Variants in PEBP4 observed in about 807,000 individuals in gnomAD.
PEBP4 encodes phosphatidylethanolamine binding protein 4.
A neutral mutation model predicts 23.9 loss-of-function variants in PEBP4; 22 were observed. The observed-to-expected ratio is 0.92, with a 90% CI of 0.66 to 1.31. The LOEUF (loss-of-function observed/expected upper bound fraction) is 1.31. Ranked by LOEUF, PEBP4 falls within the 40% of genes most tolerant of loss-of-function variation. The pLI is 0.00. For missense variants in PEBP4, 324 were observed against 281.7 expected (o/e 1.15, Z -1.07); for synonymous variants, 112 against 99.3 (o/e 1.13, Z -0.76).
intron 6 of PEBP4, among the ~76,000 whole-genome samples, chr8:22,724,252 G>T (rs2128748542): frequency 6.6e-6 from 1 of 152,306 alleles, no homozygotes; most frequent in South Asian, 2.1e-4. Context: ...GGCCCTGGTG[G>T]CAGGAGGACC....
intron 2 of PEBP4, 140 bp from the exon 3 acceptor site, chr8:22,920,450 CG>C: frequency 9.9e-7 from 1 of 1,006,914 alleles, no homozygotes; most frequent in Admixed American, 2.7e-5. Context: ...GTTGTGTGAC[CG>C]AAGAGTTACT....
intron 3 of PEBP4, among the ~76,000 whole-genome samples, chr8:22,892,731 C>A (rs9657263): frequency 0.016 from 2,390 of 152,238 alleles, 52 homozygotes; most frequent in African/African-American, 0.053. Flanking sequence ...CCACCTGAAA[C>A]AATGAAAACA....
In PEBP4 at chr8:22,868,335, G is replaced by A. The variant is rs184455298; in HGVS notation, c.259-50600C>T. On this transcript the variant is annotated intron_variant, in intron 3 of 6. Coordinates refer to ENST00000256404, the MANE Select transcript of PEBP4 (RefSeq NM_144962.3). ...GATTTTTGGTAGCCTGGATTTGTTC[G>A]CCTGCTTTCAAGCCTCCAGGGAGTC... 4.6e-5 allele frequency among the ~76,000 whole-genome samples: 7 copies of A among 152,206 alleles called. No homozygotes were observed. The South Asian group carries it at 6.2e-4, about 14-fold the overall frequency.
rs371827406 is a variant in PEBP4 at position 22,722,858 on chromosome 8, C to T, written c.517+1985G>A. On this transcript the variant is annotated intron_variant, in intron 6 of 6. Transcript: ENST00000256404. ...CGCGATCTCAGCTCACTACAAGCTC[C>T]GCCTCCCAGGTTCATGCTGTTCTCC... is the stretch of plus-strand genomic sequence containing the variant. Among the ~76,000 whole-genome samples the T allele has an allele frequency of 1.3e-4, 19 of 151,810 alleles. No individual in the cohort carries two copies. In the South Asian group the frequency reaches 2.3e-3, roughly 18 times the overall value.
chr8:22,724,566 C>A (rs531195475), intron 6 of PEBP4, among the ~76,000 whole-genome samples: 1 of 152,368 alleles, frequency 6.6e-6, no homozygotes, highest in South Asian at 2.1e-4. Context: ...TCCCTGGCTG[C>A]AGTCACCTGC....
At chr8:22,722,041 G>A (rs1000559898) in intron 6 of PEBP4, among the ~76,000 whole-genome samples, 7 of 152,072 alleles carry the variant, frequency 4.6e-5, no homozygotes, top group South Asian at 2.1e-4. Flanking sequence ...CTCCAGGTTC[G>A]TCGTCTCCAA....
rs550367214 is a variant in PEBP4, at chr8:22,816,430, C to G, written c.357+1207G>C. On this transcript the variant is annotated intron_variant, in intron 4 of 6. Transcript: ENST00000256404. The stretch of plus-strand genomic sequence containing the variant: ...CCCCCCTACTCCCACCCAGTGGCTG[C>G]GAAAACCCTGCCTTGCTCAGGATAG... Among the ~76,000 whole-genome samples, 7 of 152,334 alleles carry G rather than the reference C, an allele frequency of 4.6e-5. No homozygotes were observed. The East Asian group carries it at 5.8e-4, about 13-fold the overall frequency.
At chr8:22,758,710 GC>G (rs1805441288) in intron 4 of PEBP4, among the ~76,000 whole-genome samples, 1 of 152,198 alleles carries the variant, frequency 6.6e-6, no homozygotes, top group Non-Finnish European at 1.5e-5. Context: ...CCCATAGCAG[GC>G]TCTCAGCAGA....
intron 3 of PEBP4, among the ~76,000 whole-genome samples, chr8:22,831,142 C>A (rs1807077123): frequency 6.6e-6 from 1 of 152,218 alleles, no homozygotes; most frequent in Admixed American, 6.5e-5. Flanking sequence ...ATCCCTGGAA[C>A]TACTTAACTT....
intron 6 of PEBP4, among the ~76,000 whole-genome samples, chr8:22,713,890 A>G (rs1052563502): frequency 1.3e-5 from 2 of 152,226 alleles, no homozygotes; most frequent in African/African-American, 4.8e-5. Flanking sequence ...CGGGCTGCCC[A>G]CTTCCTCTAC....
intron 3 of PEBP4, 67 bp from the exon 4 acceptor site, chr8:22,817,802 C>T (rs1486100014): frequency 2.9e-6 from 4 of 1,402,712 alleles, no homozygotes; most frequent in Non-Finnish European, 4.0e-6. Flanking sequence ...ACGGGGCAGA[C>T]CTCCTTTTCC....
intron 3 of PEBP4, among the ~76,000 whole-genome samples, chr8:22,870,004 TC>T (rs1807976997): frequency 6.6e-6 from 1 of 152,158 alleles, no homozygotes. Flanking sequence ...TGGCAGTTTC[TC>T]ACAAAACTAA....
At chr8:22,838,255 G>A (rs903155943) in intron 3 of PEBP4, among the ~76,000 whole-genome samples, 2 of 152,072 alleles carry the variant, frequency 1.3e-5, no homozygotes. Flanking sequence ...CTCCTGAAGT[G>A]CCTAGCATAC....
At chr8:22,905,218 G>A (rs1808786146) in intron 3 of PEBP4, among the ~76,000 whole-genome samples, 1 of 151,680 alleles carries the variant, frequency 6.6e-6, no homozygotes, top group African/African-American at 2.4e-5. Context: ...AAATGGAATG[G>A]AACTTCCCCC....
intron 4 of PEBP4, among the ~76,000 whole-genome samples, chr8:22,736,462 C>T (rs1381227155): frequency 2.0e-5 from 3 of 151,896 alleles, no homozygotes; most frequent in East Asian, 3.9e-4. Context: ...AAAAATTAAC[C>T]AGACGAGGTG....
At chr8:22,832,603 C>T (rs943007595) in intron 3 of PEBP4, among the ~76,000 whole-genome samples, 1 of 152,192 alleles carries the variant, frequency 6.6e-6, no homozygotes, top group African/African-American at 2.4e-5. Flanking sequence ...TCCTGCCTTG[C>T]CACTGGGGAG....
chr8:22,863,559 C>G (rs546344434), intron 3 of PEBP4, among the ~76,000 whole-genome samples: 5 of 152,124 alleles, frequency 3.3e-5, no homozygotes, highest in Admixed American at 3.3e-4. Flanking sequence ...TAGGGTCCTG[C>G]CTCCCTGCAT....
rs550369303 is a variant in PEBP4 at position 22,858,917 on chromosome 8, A to G, written c.259-41182T>C. Reference sequence around the variant, plus strand: ...AGCCAAGATTGCACCACTGCACTCCAGCCTGGGTGACAGAATGAGACCCTG... The same window carrying G: ...AGCCAAGATTGCACCACTGCACTCCGGCCTGGGTGACAGAATGAGACCCTG... On this transcript the variant is annotated intron_variant, in intron 3 of 6. Coordinates refer to ENST00000256404, the MANE Select transcript of PEBP4 (RefSeq NM_144962.3). 1.2e-4 allele frequency among the ~76,000 whole-genome samples: 19 copies of G among 152,352 alleles called. No individual in the cohort carries two copies. The South Asian group carries it at 3.9e-3, about 32-fold the overall frequency.
At chr8:22,819,617 G>A (rs576661336) in intron 3 of PEBP4, among the ~76,000 whole-genome samples, 30 of 152,128 alleles carry the variant, frequency 2.0e-4, no homozygotes, top group African/African-American at 7.2e-4. Context: ...GTTTTGTTTT[G>A]TTTTGTTTTT....
Sources: gnomAD v4.1 joint callset for allele counts (sites outside exome capture counted in the v4.1 genomes callset) on GRCh38, gnomAD v4.1.1 for gene constraint, MANE v1.5 for transcripts, NCBI Gene and HGNC (gene_info 2026-07-23, HGNC 2026-07-21) for gene names.